Variants in KAZN observed in about 807,000 individuals in gnomAD.
KAZN encodes the protein kazrin.
A neutral mutation model predicts 87.4 loss-of-function variants in KAZN; 40 were observed. That is an observed-to-expected ratio of 0.46 (90% CI 0.36 to 0.60). KAZN has a LOEUF of 0.60. Among genes scored for constraint, KAZN ranks in the 20% least tolerant of loss-of-function variants. KAZN has a pLI of 0.00. For synonymous variants in KAZN, 466 were observed against 458.3 expected, an observed-to-expected ratio of 1.02 and a Z score of -0.22; for missense variants, 898 against 1,073.9, an observed-to-expected ratio of 0.84 and a Z score of 2.29.
chr1:14,955,553 A>C (rs1308611887), intron 1 of KAZN, among the ~76,000 whole-genome samples: 1 of 152,220 alleles, frequency 6.6e-6, no homozygotes, highest in Non-Finnish European at 1.5e-5. Flanking sequence ...TTGTTTTTCC[A>C]GCCTGGTCTC....
intron 1 of KAZN, among the ~76,000 whole-genome samples, chr1:14,172,786 A>G (rs763685715): frequency 2.6e-5 from 4 of 152,074 alleles, no homozygotes; most frequent in Non-Finnish European, 5.9e-5. Context: ...GCCCTTCTCT[A>G]TATTGCACCT....
intron 1 of KAZN, among the ~76,000 whole-genome samples, chr1:13,951,601 A>G (rs12043792): frequency 0.015 from 2,230 of 150,024 alleles, 51 homozygotes; most frequent in African/African-American, 0.051. Flanking sequence ...TTCACTGCTT[A>G]GAATCTTAGC....
chr1:15,112,438 T>C lies in KAZN; in HGVS notation c.2060T>C (p.Ile687Thr), dbSNP rs1641671308. ...GGTCCTCTCTTCAGCTCCACAGGCA[T>C]CCGGGAGGCTGAGCGTTTTGGAACG... ...AVFHPANSTG[I>T]REAERFGTPP... is the part of the protein sequence containing the mutation. Residue 687 changes from isoleucine (I) to threonine (T), a missense_variant, in exon 14 of 15, where the codon ATC (isoleucine) becomes ACC (threonine). This residue lies in a region of KAZN where 127 missense variants were observed against 121.5 expected (regional missense o/e 1.04). Coordinates refer to ENST00000376030, the MANE Select transcript of KAZN (RefSeq NM_201628.3). The C allele has an allele frequency of 6.3e-7, 1 of 1,597,654 alleles. No homozygotes were observed. The highest frequency in any genetic ancestry group is 1.3e-5 in the African/African-American group (1 of 74,640).
rs148257529 is a variant in KAZN at position 15,081,604 on chromosome 1, G to A, written c.1223-12576G>A. Among the ~76,000 whole-genome samples the A allele has an allele frequency of 5.9e-5, 9 of 152,186 alleles. No homozygotes were observed. Among genetic ancestry groups the A allele is most frequent in the Non-Finnish European group, 1.3e-4 (9 of 67,992 alleles). ...TGAGTGTGTGTGTTGGGGAGTTGTA[G>A]GGTACCCACACTAGGTGACCAGGAA... On this transcript the variant is annotated intron_variant, in intron 8 of 14. Transcript: ENST00000376030. The surrounding 1 kb of genome is among the most constrained non-coding windows in gnomAD (Gnocchi z 4.1).
chr1:14,449,358 T>A (rs1483826002), intron 2 of KAZN, among the ~76,000 whole-genome samples: 5 of 152,192 alleles, frequency 3.3e-5, no homozygotes, highest in Non-Finnish European at 7.3e-5. Context: ...TTGCTTTAGT[T>A]GTTTGCGTCT....
At chr1:14,713,775 C>CAAAAAAAAA (rs58947119) in intron 1 of KAZN, among the ~76,000 whole-genome samples, 7 of 94,594 alleles carry the variant, frequency 7.4e-5, no homozygotes, top group African/African-American at 1.4e-4. Flanking sequence ...CTCATCTCTA[C>CAAAAAAAAA]AAAAAAAAAA....
At chr1:14,282,732 G>C (rs896860541) in intron 2 of KAZN, among the ~76,000 whole-genome samples, 1 of 152,172 alleles carries the variant, frequency 6.6e-6, no homozygotes, top group African/African-American at 2.4e-5. Flanking sequence ...AAATCTTCCT[G>C]CCAGGTTTCT....
At chr1:14,554,287 A>G (rs1313272425) in intron 2 of KAZN, among the ~76,000 whole-genome samples, 1 of 152,174 alleles carries the variant, frequency 6.6e-6, no homozygotes, top group Non-Finnish European at 1.5e-5. Context: ...ATACAGCAGC[A>G]AAACGCAGTG....
chr1:14,320,057 C>G (rs1437000005), intron 2 of KAZN, among the ~76,000 whole-genome samples: 2 of 152,116 alleles, frequency 1.3e-5, no homozygotes, highest in African/African-American at 2.4e-5. Context: ...AAGCTTTTTA[C>G]AACTATTCTT....
intron 3 of KAZN, 27 bp from the exon 4 acceptor site, chr1:15,043,962 G>A (rs41310369): frequency 2.5e-6 from 4 of 1,583,906 alleles, no homozygotes; most frequent in Non-Finnish European, 3.4e-6. Context: ...TAACACCCAC[G>A]GTGCTCTCTC....
intron 2 of KAZN, among the ~76,000 whole-genome samples, chr1:14,535,601 G>A (rs1672458242): frequency 6.6e-6 from 1 of 152,068 alleles, no homozygotes; most frequent in African/African-American, 2.4e-5. Context: ...GGGAATAGGG[G>A]GTTGCAGTAA....
chr1:14,312,760 C>T lies in KAZN; in HGVS notation c.249+132168C>T, dbSNP rs115264339. ...ATCTTGGTGGCACTCTCTCTGTTGC[C>T]TTCTTGGCTTGCATGCTGCCACATT... On this transcript the variant is annotated intron_variant, in intron 2 of 16. Coordinates refer to the KAZN transcript ENST00000636203. Among the ~76,000 whole-genome samples the T allele has an allele frequency of 2.2e-3, 336 of 152,154 alleles. 2 individuals are homozygous for T. The highest frequency in any genetic ancestry group is 7.4e-3 in the African/African-American group (307 of 41,528).
In KAZN at chr1:14,396,301, C is replaced by G. The variant is rs543086120; in HGVS notation, c.250-202682C>G. 2.6e-5 allele frequency among the ~76,000 whole-genome samples: 4 copies of G among 152,228 alleles called. No homozygotes were observed. In the South Asian group the frequency reaches 8.3e-4, roughly 32 times the overall value. On this transcript the variant is annotated intron_variant, in intron 2 of 16. Coordinates refer to the KAZN transcript ENST00000636203. ...GATATCTGTATGTCTCTAGGGGGAT[C>G]TGCAGGAATGTACACACAGTTTCTC...
intron 1 of KAZN, among the ~76,000 whole-genome samples, chr1:14,094,671 A>G (rs1644087145): frequency 6.6e-6 from 1 of 152,180 alleles, no homozygotes. Flanking sequence ...CACAAAATCT[A>G]TATATTTCTA....
chr1:14,301,227 C>T (rs982862198), intron 2 of KAZN, among the ~76,000 whole-genome samples: 3 of 152,308 alleles, frequency 2.0e-5, no homozygotes, highest in African/African-American at 7.2e-5. Context: ...CCTTGGAATT[C>T]ACATACCCGG....
In KAZN at chr1:14,405,328, T is replaced by C. The variant is rs191837513; in HGVS notation, c.250-193655T>C. Among the ~76,000 whole-genome samples, 289 of 152,334 alleles carry C rather than the reference T, an allele frequency of 1.9e-3. 1 individual carries two copies. The highest frequency in any genetic ancestry group is 6.8e-3 in the African/African-American group (281 of 41,588). Reference sequence around the variant, plus strand: ...TGTATGCCCAGCGGGGAAGGAAATGTATGATTTACAAAGCATTGAAACCAA... The same window carrying C: ...TGTATGCCCAGCGGGGAAGGAAATGCATGATTTACAAAGCATTGAAACCAA... On this transcript the variant is annotated intron_variant, in intron 2 of 16. Coordinates refer to the KAZN transcript ENST00000636203.
rs928492134 is a variant in KAZN, at chr1:13,942,413, G to A, written c.91+48657G>A. Among the ~76,000 whole-genome samples, 203 of 147,956 alleles carry A rather than the reference G, an allele frequency of 1.4e-3. 2 individuals are homozygous for A. Among genetic ancestry groups the A allele is most frequent in the African/African-American group, 4.5e-3 (179 of 39,862 alleles). ...AAATTAGCCGGGCGTGGTGGCGGGC[G>A]CCTGTAGTCCCAGCTACTCGGGAGG... On this transcript the variant is annotated intron_variant, in intron 1 of 16. Transcript: ENST00000636203.
rs148614828 is a variant in KAZN at position 14,501,080 on chromosome 1, A to AAAAT, written c.250-97855_250-97852dup. On this transcript the variant is annotated intron_variant, in intron 2 of 16. Transcript: ENST00000636203. ...CATAACCTAAAAAGAGCATCTGCAA[A>AAAAT]AAATAAATAAATAAATAAATAAATA... Among the ~76,000 whole-genome samples, 451 of 141,048 alleles carry AAAAT rather than the reference A, an allele frequency of 3.2e-3. 3 individuals are homozygous for AAAAT. Among genetic ancestry groups the AAAAT allele is most frequent in the Admixed American group, 6.9e-3 (96 of 13,928 alleles). The allele number at this position is 141,048 out of a possible 152,430, so 92.5% of individuals were successfully genotyped here. A position where few individuals can be genotyped will look rare whatever the true frequency, so the allele number is the denominator to read the frequency against.
chr1:14,250,002 A>C (rs1649866506), intron 2 of KAZN, among the ~76,000 whole-genome samples: 1 of 152,166 alleles, frequency 6.6e-6, no homozygotes, highest in Non-Finnish European at 1.5e-5. Context: ...AAGCAGCAAA[A>C]AAGCAGTTAT....
Sources: allele counts gnomAD v4.1 joint callset (sites outside exome capture counted in the v4.1 genomes callset), GRCh38; gene constraint gnomAD v4.1.1; regional missense constraint gnomAD v4.1.1; non-coding constraint Gnocchi (gnomAD v3.1); transcripts MANE v1.5; gene names NCBI Gene and HGNC (gene_info 2026-07-23, HGNC 2026-07-21).